Variants in RORA observed in about 807,000 individuals in gnomAD.
RORA encodes RAR related orphan receptor A.
In RORA, 7 loss-of-function variants were observed where a neutral mutation model predicts 69.5. The ratio of observed to expected loss-of-function variants is 0.10; its 90% CI spans 0.06 to 0.19. The LOEUF is 0.19. Among genes scored for constraint, RORA ranks in the 10% least tolerant of loss-of-function variants. RORA has a pLI of 1.00. For synonymous variants in RORA, 261 were observed against 240.8 expected, an observed-to-expected ratio of 1.08 and a Z score of -0.78; for missense variants, 457 against 663.0, an observed-to-expected ratio of 0.69 and a Z score of 3.41.
chr15:60,957,845 T>C (rs982155843), intron 1 of RORA, among the ~76,000 whole-genome samples: 11 of 152,188 alleles, frequency 7.2e-5, no homozygotes, highest in African/African-American at 2.4e-4. Flanking sequence ...AAATACTTGG[T>C]CCCCAAATAT....
At chr15:60,692,949 A>G (rs895278311) in intron 1 of RORA, among the ~76,000 whole-genome samples, 1 of 152,200 alleles carries the variant, frequency 6.6e-6, no homozygotes, top group Non-Finnish European at 1.5e-5. Flanking sequence ...AACACATTCT[A>G]TGAGGCCAGC....
At chr15:61,045,195 A>G (rs1035243233) in intron 1 of RORA, among the ~76,000 whole-genome samples, 1 of 152,074 alleles carries the variant, frequency 6.6e-6, no homozygotes, top group East Asian at 1.9e-4. Flanking sequence ...GGTCTTTCCC[A>G]TGCTGTTCTC....
intron 1 of RORA, among the ~76,000 whole-genome samples, chr15:61,001,094 C>A (rs1239186376): frequency 6.6e-5 from 10 of 152,192 alleles, no homozygotes; most frequent in Middle Eastern, 3.2e-3. Flanking sequence ...AATGTCTAAC[C>A]CACTGGTTTC....
At chr15:61,189,287 G>T (rs1210440672) in intron 1 of RORA, among the ~76,000 whole-genome samples, 1 of 152,290 alleles carries the variant, frequency 6.6e-6, no homozygotes, top group Middle Eastern at 3.4e-3. Flanking sequence ...TAAGGTTAAT[G>T]GTAAAATAAT....
At chr15:60,933,020 C>G (rs1370716480) in intron 1 of RORA, among the ~76,000 whole-genome samples, 4 of 152,184 alleles carry the variant, frequency 2.6e-5, no homozygotes, top group African/African-American at 7.2e-5. Flanking sequence ...TTGCCCCCCA[C>G]AGTCATGAAC....
intron 1 of RORA, among the ~76,000 whole-genome samples, chr15:60,812,319 CA>C (rs2072755561): frequency 6.6e-6 from 1 of 152,096 alleles, no homozygotes; most frequent in African/African-American, 2.4e-5. Flanking sequence ...GCCTGAGCAA[CA>C]TACTGAGACC....
intron 2 of RORA, among the ~76,000 whole-genome samples, chr15:60,616,333 T>C (rs1368161682): frequency 6.6e-6 from 1 of 152,210 alleles, no homozygotes; most frequent in African/African-American, 2.4e-5. Flanking sequence ...TGCCAGCGCA[T>C]GCGTCTGCCC....
At chr15:60,779,509 G>A (rs1308219286) in intron 1 of RORA, among the ~76,000 whole-genome samples, 1 of 152,218 alleles carries the variant, frequency 6.6e-6, no homozygotes, top group East Asian at 1.9e-4. Context: ...ACCTGCTGCT[G>A]TGGAAGATGT....
At chr15:60,515,912 TATTTATATATA>T (rs762489914) in intron 3 of RORA, among the ~76,000 whole-genome samples, 2,655 of 83,170 alleles carry the variant, frequency 0.032, 333 homozygotes, top group African/African-American at 0.068. Flanking sequence ...ATATATATTG[TATTTATATATA>T]TATTTATATA....
chr15:60,803,343 G>A (rs1285491871), intron 1 of RORA, among the ~76,000 whole-genome samples: 1 of 152,212 alleles, frequency 6.6e-6, no homozygotes, highest in Admixed American at 6.5e-5. Context: ...AGGGAAGGGG[G>A]ATGGAGGTGA....
At position 60,537,811 on chromosome 15, in the gene RORA, T is replaced by C. The variant is rs1431992484; in HGVS notation, c.197-5960A>G. Among the ~76,000 whole-genome samples, 1 of 152,242 alleles carries C rather than the reference T, an allele frequency of 6.6e-6. No individual in the cohort carries two copies. The highest frequency in any genetic ancestry group is 2.4e-5 in the African/African-American group (1 of 41,462). ...TTTTGGATTCTTTCATGACAGTATT[T>C]CATCCTTGCTGAACCTCACCAAAAC... On this transcript the variant is annotated intron_variant, in intron 2 of 10. Transcript: ENST00000335670. The surrounding 1 kb of genome is among the most constrained non-coding windows in gnomAD (Gnocchi z 4.9).
Position 60,882,037 on chromosome 15 carries a change from C to A in RORA, c.167-203351G>T, listed in dbSNP as rs192172249. The stretch of plus-strand genomic sequence containing the variant: ...GTCTTCCCGCGCACGTGTTGCGGAA[C>A]TGTCCCCAGTATGCTGCCCGTGCTA... On this transcript the variant is annotated intron_variant, in intron 1 of 10. Coordinates refer to ENST00000335670, the MANE Select transcript of RORA (RefSeq NM_134261.3). Among the ~76,000 whole-genome samples the A allele has an allele frequency of 4.4e-4, 67 of 152,322 alleles. No homozygotes were observed. In the East Asian group the frequency reaches 0.012, roughly 28 times the overall value.
intron 1 of RORA, among the ~76,000 whole-genome samples, chr15:60,965,318 A>G (rs1189691084): frequency 6.6e-6 from 1 of 152,186 alleles, no homozygotes. Flanking sequence ...AATAGAACAC[A>G]AATGGCAAAA....
intron 1 of RORA, among the ~76,000 whole-genome samples, chr15:60,922,193 G>A (rs1053157931): frequency 7.9e-5 from 12 of 152,188 alleles, no homozygotes; most frequent in Non-Finnish European, 1.2e-4. Context: ...TGAATAGGTG[G>A]AGCACAGAGG....
At chr15:60,533,566 G>A (rs1332032617) in intron 2 of RORA, among the ~76,000 whole-genome samples, 1 of 152,160 alleles carries the variant, frequency 6.6e-6, no homozygotes, top group Non-Finnish European at 1.5e-5. Context: ...GCAAAGGTTT[G>A]TGCCACAGAT....
chr15:61,180,996 C>T (rs145556034), intron 1 of RORA, among the ~76,000 whole-genome samples: 151 of 151,062 alleles, frequency 1.0e-3, no homozygotes, highest in African/African-American at 3.4e-3. Context: ...CCCAGCTACT[C>T]GGGAGGCTGA....
chr15:60,777,072 A>G (rs1219542284), intron 1 of RORA, among the ~76,000 whole-genome samples: 2 of 152,236 alleles, frequency 1.3e-5, no homozygotes, highest in East Asian at 3.8e-4. Context: ...TACTAAATAA[A>G]TGAATGAATG....
At chr15:61,215,784 G>A (rs1363699153) in intron 1 of RORA, among the ~76,000 whole-genome samples, 1 of 152,186 alleles carries the variant, frequency 6.6e-6, no homozygotes, top group Non-Finnish European at 1.5e-5. Context: ...CTCAGCTAGA[G>A]TCTATTTCTT....
At chr15:61,008,143 A>C (rs561881984) in intron 1 of RORA, among the ~76,000 whole-genome samples, 1 of 152,048 alleles carries the variant, frequency 6.6e-6, no homozygotes, top group Non-Finnish European at 1.5e-5. Flanking sequence ...AAAAAAATTT[A>C]AATGTCAAAT....
Sources: allele counts gnomAD v4.1 joint callset (sites outside exome capture counted in the v4.1 genomes callset), GRCh38; gene constraint gnomAD v4.1.1; non-coding constraint Gnocchi (gnomAD v3.1); transcripts MANE v1.5; gene names NCBI Gene and HGNC (gene_info 2026-07-23, HGNC 2026-07-21).